Variants in PTPRD observed in about 807,000 individuals in gnomAD.
PTPRD encodes protein tyrosine phosphatase receptor type D.
In PTPRD, 34 loss-of-function variants were observed where a neutral mutation model predicts 214.5. The ratio of observed to expected loss-of-function variants is 0.16; its 90% CI spans 0.12 to 0.21. PTPRD has a LOEUF of 0.21. Ranked by LOEUF, PTPRD falls within the 10% of genes least tolerant of loss-of-function variation. The pLI, the probability that PTPRD is intolerant of heterozygous loss-of-function variation, is 1.00. For missense variants in PTPRD, 2,545 were observed against 2,398.7 expected, an observed-to-expected ratio of 1.06 and a Z score of -1.27; for synonymous variants, 1,128 against 845.7, an observed-to-expected ratio of 1.33 and a Z score of -5.79.
At chr9:10,589,703 T>A (rs1232911477) in intron 2 of PTPRD, among the ~76,000 whole-genome samples, 1 of 152,044 alleles carries the variant, frequency 6.6e-6, no homozygotes, top group South Asian at 2.1e-4. Context: ...ATGGATACAG[T>A]GGCATCTATG....
chr9:9,894,744 C>T (rs371490026), intron 5 of PTPRD, among the ~76,000 whole-genome samples: 24 of 152,048 alleles, frequency 1.6e-4, no homozygotes, highest in Middle Eastern at 3.4e-3. Context: ...TCTATGCATT[C>T]GGAGATTTAA....
At chr9:9,103,432 G>A (rs1156257140) in intron 10 of PTPRD, among the ~76,000 whole-genome samples, 1 of 151,750 alleles carries the variant, frequency 6.6e-6, no homozygotes, top group Non-Finnish European at 1.5e-5. Context: ...AAGTAATTAT[G>A]GAGTAAAACA....
At chr9:10,092,129 A>T (rs1673062121) in intron 3 of PTPRD, among the ~76,000 whole-genome samples, 1 of 151,490 alleles carries the variant, frequency 6.6e-6, no homozygotes. Context: ...AGTTGACAGT[A>T]GAACTTAAGG....
Position 9,560,207 on chromosome 9 carries a change from T to A in PTPRD, c.-237+14525A>T, listed in dbSNP as rs563416933. On this transcript the variant is annotated intron_variant, in intron 8 of 45. Coordinates refer to ENST00000381196, the MANE Select transcript of PTPRD (RefSeq NM_002839.4). Reference sequence around the variant, plus strand: ...ACCTTACTTACTTAACTCCCACAACTCAGCCAGGACACAGGCACTAGAGGA... The same window carrying A: ...ACCTTACTTACTTAACTCCCACAACACAGCCAGGACACAGGCACTAGAGGA... Among the ~76,000 whole-genome samples, 5 of 152,192 alleles carry A rather than the reference T, an allele frequency of 3.3e-5. No individual in the cohort carries two copies. The East Asian group carries it at 9.7e-4, about 30-fold the overall frequency.
intron 11 of PTPRD, among the ~76,000 whole-genome samples, chr9:8,943,073 C>G (rs11792662): frequency 0.12 from 18,350 of 151,744 alleles, 1,229 homozygotes; most frequent in South Asian, 0.2. Context: ...AGGAATTAAC[C>G]AAAGAAATGA....
chr9:10,001,542 A>G (rs780665109), intron 4 of PTPRD, among the ~76,000 whole-genome samples: 6 of 152,184 alleles, frequency 3.9e-5, no homozygotes, highest in Non-Finnish European at 5.9e-5. Context: ...CACTGTCAAT[A>G]AGATTAAAAG....
At chr9:9,087,144 T>C (rs930516064) in intron 10 of PTPRD, among the ~76,000 whole-genome samples, 2 of 152,148 alleles carry the variant, frequency 1.3e-5, no homozygotes, top group African/African-American at 4.8e-5. Flanking sequence ...CTCTCTGTTG[T>C]TTTTCCAACA....
At chr9:10,039,113 C>G (rs1259370740) in intron 3 of PTPRD, among the ~76,000 whole-genome samples, 1 of 152,036 alleles carries the variant, frequency 6.6e-6, no homozygotes, top group Non-Finnish European at 1.5e-5. Flanking sequence ...CAAAACTCTT[C>G]CTATCCCTAT....
chr9:9,274,004 C>G lies in PTPRD; in HGVS notation c.-202-90641G>C, dbSNP rs541224595. Among the ~76,000 whole-genome samples, 3 of 151,408 alleles carry G rather than the reference C, an allele frequency of 2.0e-5. No individual in the cohort carries two copies. In the East Asian group the frequency reaches 5.9e-4, roughly 30 times the overall value. ...CTACCTTACATCCTGCCACATCCTC[C>G]TATGATCCTATAATCCAACAAAATG... On this transcript the variant is annotated intron_variant, in intron 9 of 45. Transcript: ENST00000381196.
rs562333762 is a variant in PTPRD at position 8,319,735 on chromosome 9, T to C, written c.5670+96A>G. On this transcript the variant is annotated intron_variant, in intron 45 of 45. Coordinates refer to ENST00000381196, the MANE Select transcript of PTPRD (RefSeq NM_002839.4). The stretch of plus-strand genomic sequence containing the variant: ...ACAGTTTGATGCTTTCCCCACAGTA[T>C]TTTGTGTCTGGTGTTGAGAGAGTAT... 31 of 1,445,250 alleles carry C rather than the reference T, an allele frequency of 2.1e-5. 1 individual carries two copies. In the Admixed American group the frequency reaches 3.2e-4, roughly 15 times the overall value. The allele number at this position is 1,445,250 out of a possible 1,614,324, so 89.5% of individuals were successfully genotyped here. A position where few individuals can be genotyped will look rare whatever the true frequency, so the allele number is the denominator to read the frequency against.
intron 3 of PTPRD, among the ~76,000 whole-genome samples, chr9:10,108,288 G>A (rs56051561): frequency 0.053 from 8,096 of 152,050 alleles, 278 homozygotes; most frequent in Admixed American, 0.1. Context: ...TAACATATAC[G>A]TAACTTCACA....
chr9:9,802,641 A>T (rs1045647610), intron 5 of PTPRD, among the ~76,000 whole-genome samples: 4 of 150,154 alleles, frequency 2.7e-5, no homozygotes, highest in African/African-American at 1.0e-4. Flanking sequence ...GGATGCTAGG[A>T]ACGTTTTTTT....
At chr9:10,168,107 C>A (rs1564276461) in intron 3 of PTPRD, among the ~76,000 whole-genome samples, 1 of 152,124 alleles carries the variant, frequency 6.6e-6, no homozygotes, top group Non-Finnish European at 1.5e-5. Context: ...AGTTTGGAAA[C>A]ATATTTGCTT....
At chr9:8,691,193 T>C (rs1170443049) in intron 12 of PTPRD, among the ~76,000 whole-genome samples, 1 of 152,114 alleles carries the variant, frequency 6.6e-6, no homozygotes, top group Non-Finnish European at 1.5e-5. Flanking sequence ...TACTAACTCA[T>C]TTGATTCGAG....
intron 7 of PTPRD, among the ~76,000 whole-genome samples, chr9:9,612,711 G>C (rs1191201321): frequency 6.6e-6 from 1 of 151,602 alleles, no homozygotes; most frequent in Non-Finnish European, 1.5e-5. Context: ...ACAAATTTGA[G>C]AGCCAAAAGA....
intron 2 of PTPRD, among the ~76,000 whole-genome samples, chr9:10,344,338 T>G (rs544647000): frequency 1.3e-5 from 2 of 152,130 alleles, no homozygotes; most frequent in Non-Finnish European, 2.9e-5. Context: ...CAGATGGTTG[T>G]AGATGTGTGG....
chr9:10,036,540 G>C (rs1336592886), intron 3 of PTPRD, among the ~76,000 whole-genome samples: 1 of 146,340 alleles, frequency 6.8e-6, no homozygotes, highest in Admixed American at 6.8e-5. Context: ...ACACAATTTT[G>C]CCAGGATTCC....
chr9:9,176,595 T>G (rs982957743), intron 10 of PTPRD, among the ~76,000 whole-genome samples: 34 of 152,134 alleles, frequency 2.2e-4, no homozygotes, highest in Non-Finnish European at 2.5e-4. Flanking sequence ...GTTGGGGCCT[T>G]AAAGAGGTGA....
intron 2 of PTPRD, among the ~76,000 whole-genome samples, chr9:10,576,745 G>A (rs1248637246): frequency 2.6e-5 from 4 of 152,018 alleles, no homozygotes; most frequent in African/African-American, 4.8e-5. Flanking sequence ...AGCTCCAAGG[G>A]AATATTTTAA....
Sources: allele counts gnomAD v4.1 joint callset (sites outside exome capture counted in the v4.1 genomes callset), GRCh38; gene constraint gnomAD v4.1.1; transcripts MANE v1.5; gene names NCBI Gene and HGNC (gene_info 2026-07-23, HGNC 2026-07-21).